Variants in RGS6 observed in about 807,000 individuals in gnomAD.
RGS6 encodes regulator of G-protein signaling 6.
Under a neutral mutation model 78.5 loss-of-function variants are expected in RGS6, and 30 were observed. That is an observed-to-expected ratio of 0.38 (90% CI 0.29 to 0.52). The LOEUF is 0.52. Among genes scored for constraint, RGS6 ranks in the 20% least tolerant of loss-of-function variants. The pLI, the probability that RGS6 is intolerant of heterozygous loss-of-function variation, is 0.85. For missense variants in RGS6, 495 were observed against 609.7 expected (o/e 0.81, Z 1.98); for synonymous variants, 206 against 206.0 (o/e 1.00, Z 0.00).
rs60474639 is a variant in RGS6 at position 72,517,148 on chromosome 14, A to G, written c.1092-1203A>G. Among the ~76,000 whole-genome samples, 577 of 152,192 alleles carry G rather than the reference A, an allele frequency of 3.8e-3. 6 individuals carry two copies. Among genetic ancestry groups the G allele is most frequent in the African/African-American group, 0.014 (563 of 41,516 alleles). On this transcript the variant is annotated intron_variant, in intron 14 of 17. Transcript: ENST00000553525. Reference sequence around the variant, plus strand: ...CATGTTTAACCCTAAAAAAAAAAAAAAAAGAAACAAGTACATCTTACTTTG... The same window carrying G: ...CATGTTTAACCCTAAAAAAAAAAAAGAAAGAAACAAGTACATCTTACTTTG...
the RGS6 span, among the ~76,000 whole-genome samples, chr14:71,915,492 G>T: frequency 6.6e-6 from 1 of 152,186 alleles, no homozygotes; most frequent in Admixed American, 6.5e-5. Context: ...TAGCAATTCT[G>T]GCCATTGTTG....
intron 3 of RGS6, among the ~76,000 whole-genome samples, chr14:72,417,773 C>T (rs552166360): frequency 4.4e-4 from 67 of 152,290 alleles, no homozygotes; most frequent in African/African-American, 1.2e-3. Context: ...AACATTTAGA[C>T]GAAGTGCTTG....
intron 17 of RGS6, chr14:72,547,416 G>T: frequency 2.4e-6 from 3 of 1,227,084 alleles, no homozygotes; most frequent in Non-Finnish European, 3.4e-6. Flanking sequence ...TGAGCTCCTG[G>T]TGGAAACAAC....
At chr14:72,177,125 C>T (rs977212783) in intron 2 of RGS6, among the ~76,000 whole-genome samples, 12 of 151,976 alleles carry the variant, frequency 7.9e-5, no homozygotes, top group Admixed American at 7.9e-4. Context: ...TTTATCCATT[C>T]ACCTGTTGAT....
At chr14:72,180,098 A>G (rs2097155478) in intron 2 of RGS6, among the ~76,000 whole-genome samples, 1 of 152,192 alleles carries the variant, frequency 6.6e-6, no homozygotes, top group Non-Finnish European at 1.5e-5. Context: ...TTGAGCCTTT[A>G]CTGCTGGGAG....
intron 2 of RGS6, among the ~76,000 whole-genome samples, chr14:72,344,310 G>A: frequency 6.6e-6 from 1 of 152,190 alleles, no homozygotes; most frequent in East Asian, 1.9e-4. Context: ...TCATCCGTCT[G>A]CCCTGGTACT....
At chr14:72,453,615 C>CAAAAAAAAA (rs60280790) in intron 3 of RGS6, among the ~76,000 whole-genome samples, 3 of 52,064 alleles carry the variant, frequency 5.8e-5, no homozygotes, top group African/African-American at 2.0e-4. Context: ...GACTCCGTCT[C>CAAAAAAAAA]AAAAAAAAAA....
At chr14:71,967,250 C>T (rs1033359940) in intron 2 of RGS6, among the ~76,000 whole-genome samples, 7 of 150,526 alleles carry the variant, frequency 4.7e-5, no homozygotes, top group African/African-American at 1.7e-4. Flanking sequence ...ATAAAAGGGA[C>T]ATTGAATTGG....
chr14:72,086,214 G>T (rs922787237), intron 2 of RGS6, among the ~76,000 whole-genome samples: 1 of 152,224 alleles, frequency 6.6e-6, no homozygotes, highest in Non-Finnish European at 1.5e-5. Flanking sequence ...CTGATAACAT[G>T]ATGGGAGATG....
chr14:72,423,019 A>G (rs2094267687), intron 3 of RGS6, among the ~76,000 whole-genome samples: 3 of 152,222 alleles, frequency 2.0e-5, no homozygotes, highest in Admixed American at 2.0e-4. Flanking sequence ...TTTAACCCAC[A>G]AAGGAAGAAA....
intron 15 of RGS6, among the ~76,000 whole-genome samples, chr14:72,534,477 C>T: frequency 6.6e-6 from 1 of 152,240 alleles, no homozygotes; most frequent in East Asian, 1.9e-4. Context: ...ACTTATTTCA[C>T]TTAACCTAAT....
chr14:72,203,826 T>A (rs146364335), intron 2 of RGS6, among the ~76,000 whole-genome samples: 1 of 12,326 alleles, frequency 8.1e-5, no homozygotes, highest in Admixed American at 1.9e-3. Flanking sequence ...TCTTTCTTTT[T>A]TTTTTTTTTT....
At chr14:72,594,060 C>T in the RGS6 span, among the ~76,000 whole-genome samples, 13 of 152,238 alleles carry the variant, frequency 8.5e-5, no homozygotes, top group African/African-American at 2.2e-4. Flanking sequence ...TCTATCTCCC[C>T]GCAAGCCCCA....
intron 13 of RGS6, among the ~76,000 whole-genome samples, chr14:72,504,744 CTCCTTTCCTT>C (rs147085020): frequency 1.1e-4 from 16 of 148,502 alleles, no homozygotes; most frequent in East Asian, 9.8e-4. Context: ...CCCCTTCCCT[CTCCTTTCCTT>C]TCCTTTCCTT....
intron 2 of RGS6, among the ~76,000 whole-genome samples, chr14:71,998,489 A>G (rs944187948): frequency 1.3e-5 from 2 of 152,216 alleles, no homozygotes; most frequent in African/African-American, 4.8e-5. Context: ...GGCATCGAAA[A>G]GCTGGGACTG....
intron 2 of RGS6, among the ~76,000 whole-genome samples, chr14:72,322,068 C>T (rs149696808): frequency 5.5e-4 from 84 of 152,000 alleles, no homozygotes; most frequent in African/African-American, 2.0e-3. Flanking sequence ...TCAACTAAAG[C>T]ATTTGCTCAA....
chr14:72,277,624 A>C (rs989733676), intron 2 of RGS6, among the ~76,000 whole-genome samples: 3 of 151,708 alleles, frequency 2.0e-5, no homozygotes, highest in African/African-American at 7.3e-5. Flanking sequence ...TTTTAAATTT[A>C]AAAATCTCTA....
chr14:72,434,388 G>T (rs2094803427), intron 3 of RGS6, among the ~76,000 whole-genome samples: 1 of 152,182 alleles, frequency 6.6e-6, no homozygotes, highest in African/African-American at 2.4e-5. Flanking sequence ...TGTATCTCAA[G>T]CCCTACCTCC....
chr14:72,583,396 A>G, the RGS6 span, among the ~76,000 whole-genome samples: 1 of 152,256 alleles, frequency 6.6e-6, no homozygotes, highest in African/African-American at 2.4e-5. Context: ...GACGGATGAC[A>G]GATCCTATTG....
Sources: gnomAD v4.1 joint callset for allele counts (sites outside exome capture counted in the v4.1 genomes callset) on GRCh38, gnomAD v4.1.1 for gene constraint, MANE v1.5 for transcripts, NCBI Gene and HGNC (gene_info 2026-07-23, HGNC 2026-07-21) for gene names.